The following ME3 variants were observed in gnomAD, a reference collection of about 807,000 sequenced individuals.
The protein encoded by ME3 is malic enzyme 3, also known as NADP-dependent malic enzyme, mitochondrial.
In ME3, 48 loss-of-function variants were observed where a neutral mutation model predicts 68.9. The observed-to-expected ratio is 0.70, with a 90% CI of 0.55 to 0.89. The LOEUF (loss-of-function observed/expected upper bound fraction) is 0.89. Ranked by LOEUF, ME3 falls within the 40% of genes least tolerant of loss-of-function variation. The pLI is 0.00. For synonymous variants in ME3, 320 were observed against 318.8 expected (o/e 1.00, Z -0.04); for missense variants, 675 against 797.4 (o/e 0.85, Z 1.85).
At chr11:86,661,289 T>G (rs1946259441) in intron 2 of ME3, among the ~76,000 whole-genome samples, 1 of 152,224 alleles carries the variant, frequency 6.6e-6, no homozygotes. Context: ...GAGGAGGGCA[T>G]CATAGCAGAG....
chr11:86,564,226 G>A (rs1420195703), intron 2 of ME3, among the ~76,000 whole-genome samples: 1 of 151,742 alleles, frequency 6.6e-6, no homozygotes, highest in Non-Finnish European at 1.5e-5. Context: ...ATCTTCTTTG[G>A]TAAAGTATCA....
intron 7 of ME3, among the ~76,000 whole-genome samples, chr11:86,469,564 C>T (rs928302170): frequency 2.6e-5 from 4 of 152,310 alleles, no homozygotes; most frequent in South Asian, 2.1e-4. Context: ...TTCTGTCCTG[C>T]GAGAAGCTCC....
Position 86,486,181 on chromosome 11 carries a change from T to G in ME3, c.809+1156A>C, listed in dbSNP as rs78786652. 2.7e-3 allele frequency among the ~76,000 whole-genome samples: 414 copies of G among 152,328 alleles called. 2 individuals carry two copies. Among genetic ancestry groups the G allele is most frequent in the African/African-American group, 8.7e-3 (362 of 41,570 alleles). ...GCTCCAAGACTAAGCTCTTCAGGTGTGCACTGGATCCTTTTTCCTGCTTGC... is the reference window on the plus strand; with the variant it reads ...GCTCCAAGACTAAGCTCTTCAGGTGGGCACTGGATCCTTTTTCCTGCTTGC... On this transcript the variant is annotated intron_variant, in intron 7 of 14. Coordinates refer to ENST00000543262, the Ensembl canonical transcript of ME3.
chr11:86,494,255 T>G (rs1453798130), intron 6 of ME3, among the ~76,000 whole-genome samples: 1 of 152,184 alleles, frequency 6.6e-6, no homozygotes, highest in Admixed American at 6.5e-5. Flanking sequence ...GACTTGATCC[T>G]GAGTGTCCAT....
At chr11:86,563,038 T>C (rs1361456960) in intron 2 of ME3, among the ~76,000 whole-genome samples, 1 of 152,216 alleles carries the variant, frequency 6.6e-6, no homozygotes, top group African/African-American at 2.4e-5. Flanking sequence ...CCATGGTATA[T>C]ATGTACCACA....
chr11:86,572,018 TGAG>T (rs1957826466), intron 2 of ME3, among the ~76,000 whole-genome samples: 1 of 152,014 alleles, frequency 6.6e-6, no homozygotes. Context: ...AAGTCAAGGA[TGAG>T]GAGACAAAAC....
At chr11:86,602,326 C>T (rs931373745) in intron 2 of ME3, among the ~76,000 whole-genome samples, 1 of 150,508 alleles carries the variant, frequency 6.6e-6, no homozygotes, top group Non-Finnish European at 1.5e-5. Context: ...AAACAGAGAG[C>T]CAAATCGTGA....
chr11:86,547,964 A>G (rs11234689), intron 4 of ME3, among the ~76,000 whole-genome samples: 32,490 of 152,198 alleles, frequency 0.21, 4,315 homozygotes, highest in Non-Finnish European at 0.3. Flanking sequence ...AAGGAAGTCA[A>G]CCCAGAACAT....
intron 5 of ME3, among the ~76,000 whole-genome samples, chr11:86,501,770 A>G (rs978150386): frequency 6.6e-5 from 10 of 152,200 alleles, no homozygotes; most frequent in East Asian, 1.9e-4. Context: ...ACCACAGCCA[A>G]TTGGTCACCA....
At chr11:86,602,632 A>G (rs1409169940) in intron 2 of ME3, among the ~76,000 whole-genome samples, 1 of 152,228 alleles carries the variant, frequency 6.6e-6, no homozygotes, top group East Asian at 1.9e-4. Context: ...ACCAAAAAAG[A>G]GCCCGCATCA....
rs144452080 is a variant in ME3 at position 86,659,363 on chromosome 11, T to C, written c.183+12399A>G. ...CAGGCAAAGAGCTACCTTTCAAAGA[T>C]GGTAGGTAGAAGAGACAGACATCAC... is the stretch of plus-strand genomic sequence containing the variant. On this transcript the variant is annotated intron_variant, in intron 2 of 14. Transcript: ENST00000543262. 8.8e-3 allele frequency among the ~76,000 whole-genome samples: 1,336 copies of C among 152,320 alleles called. 25 individuals are homozygous for C. The highest frequency in any genetic ancestry group is 0.03 in the African/African-American group (1,250 of 41,564).
At chr11:86,559,721 A>G in exon 3 of ME3, 1 of 1,613,934 alleles carries the variant, frequency 6.2e-7, no homozygotes, top group Non-Finnish European at 8.5e-7. Flanking sequence ...CGCTCGTAAT[A>G]TCTCATGATT....
intron 4 of ME3, among the ~76,000 whole-genome samples, chr11:86,526,572 A>C (rs1954763913): frequency 6.6e-6 from 1 of 152,206 alleles, no homozygotes; most frequent in Non-Finnish European, 1.5e-5. Context: ...CTGCCTCCTC[A>C]AGTGGGTCCC....
rs149120493 is a variant in ME3, at chr11:86,451,208, G to C, written c.920-810C>G. On this transcript the variant is annotated intron_variant, in intron 8 of 14. Transcript: ENST00000543262. Reference sequence around the variant, plus strand: ...TTAGCACTACATTGATTCATGAGCAGTTGCTAATGGTTTAGCTGGATGATC... The same window carrying C: ...TTAGCACTACATTGATTCATGAGCACTTGCTAATGGTTTAGCTGGATGATC... 2.0e-5 allele frequency among the ~76,000 whole-genome samples: 3 copies of C among 152,334 alleles called. No homozygotes were observed. The East Asian group carries it at 5.8e-4, about 29-fold the overall frequency.
chr11:86,537,215 A>T (rs1955736062), intron 4 of ME3, among the ~76,000 whole-genome samples: 2 of 151,736 alleles, frequency 1.3e-5, no homozygotes, highest in Admixed American at 1.3e-4. Flanking sequence ...GCAGCACACC[A>T]GCATGTCACA....
chr11:86,437,940 A>C (rs1433250607), downstream of ME3, among the ~76,000 whole-genome samples: 1 of 152,132 alleles, frequency 6.6e-6, no homozygotes, highest in South Asian at 2.1e-4. Context: ...TCAAGGCAGT[A>C]TTACTCTTTC....
At chr11:86,456,355 G>A (rs562329871) in intron 8 of ME3, among the ~76,000 whole-genome samples, 8 of 152,210 alleles carry the variant, frequency 5.3e-5, no homozygotes, top group African/African-American at 1.7e-4. Context: ...TTTCTTTTTG[G>A]GTGTCAACCG....
chr11:86,524,800 C>T (rs922378698), intron 4 of ME3, among the ~76,000 whole-genome samples: 3 of 152,162 alleles, frequency 2.0e-5, no homozygotes, highest in Non-Finnish European at 4.4e-5. Flanking sequence ...ATGTAAGAGA[C>T]AGCTAAGTGC....
At chr11:86,653,521 GAAAT>G (rs1373628663) in intron 2 of ME3, among the ~76,000 whole-genome samples, 3 of 152,176 alleles carry the variant, frequency 2.0e-5, no homozygotes, top group African/African-American at 7.2e-5. Flanking sequence ...AATGAAGGCA[GAAAT>G]AAAGATGTTC....
Sources: gnomAD v4.1 joint callset for allele counts (sites outside exome capture counted in the v4.1 genomes callset) on GRCh38, gnomAD v4.1.1 for gene constraint, MANE v1.5 for transcripts, NCBI Gene and HGNC (gene_info 2026-07-23, HGNC 2026-07-21) for gene names.